The following TSPAN9 variants were observed in gnomAD, a reference collection of about 807,000 sequenced individuals.
TSPAN9 encodes the protein tetraspanin 9.
TSPAN9 carries 16 observed loss-of-function variants against 31.0 expected under a neutral mutation model. The ratio of observed to expected loss-of-function variants is 0.52; its 90% CI spans 0.35 to 0.78. The LOEUF is 0.78. Among genes scored for constraint, TSPAN9 ranks in the 30% least tolerant of loss-of-function variants. The pLI is 0.01. For missense variants in TSPAN9, 272 were observed against 312.5 expected (o/e 0.87, Z 0.98); for synonymous variants, 145 against 121.6 (o/e 1.19, Z -1.27).
At chr12:3,141,299 G>T (rs1354135909) in intron 2 of TSPAN9, among the ~76,000 whole-genome samples, 1 of 152,126 alleles carries the variant, frequency 6.6e-6, no homozygotes, top group African/African-American at 2.4e-5. Flanking sequence ...GGCAGCTGTG[G>T]CATGCTGTGA....
chr12:3,088,576 C>G (rs1021191212), intron 2 of TSPAN9, among the ~76,000 whole-genome samples: 2 of 152,226 alleles, frequency 1.3e-5, no homozygotes, highest in African/African-American at 4.8e-5. Context: ...GAAGCTGGAG[C>G]TGGTGGTCTG....
At chr12:3,231,684 G>GAT (rs773220626) in intron 3 of TSPAN9, among the ~76,000 whole-genome samples, 3 of 152,378 alleles carry the variant, frequency 2.0e-5, no homozygotes, top group East Asian at 1.9e-4. Context: ...TTGGAGCCTG[G>GAT]ATGGGGTTCG....
At chr12:3,101,351 G>A (rs2098311772) in intron 2 of TSPAN9, among the ~76,000 whole-genome samples, 1 of 152,196 alleles carries the variant, frequency 6.6e-6, no homozygotes, top group Non-Finnish European at 1.5e-5. Flanking sequence ...TGAGCTCCCT[G>A]TTGCTGCTGG....
intron 3 of TSPAN9, among the ~76,000 whole-genome samples, chr12:3,224,299 G>A (rs1382089163): frequency 1.3e-5 from 2 of 152,236 alleles, no homozygotes; most frequent in African/African-American, 2.4e-5. Flanking sequence ...GTGGATGACC[G>A]AGGGTGGTGC....
At chr12:3,109,268 C>CTCTGTGTG (rs2098316744) in intron 2 of TSPAN9, among the ~76,000 whole-genome samples, 1 of 119,300 alleles carries the variant, frequency 8.4e-6, no homozygotes, top group South Asian at 3.0e-4. Flanking sequence ...TTCATATAGT[C>CTCTGTGTG]TGTGTGTGTG....
At chr12:3,243,702 C>T (rs567726260) in intron 3 of TSPAN9, among the ~76,000 whole-genome samples, 33 of 152,236 alleles carry the variant, frequency 2.2e-4, no homozygotes, top group Non-Finnish European at 1.0e-4. Context: ...TAGGGGTTGA[C>T]GCCCGTGGTC....
At chr12:3,273,951 C>T (rs746352819) in intron 3 of TSPAN9, among the ~76,000 whole-genome samples, 44 of 152,334 alleles carry the variant, frequency 2.9e-4, no homozygotes, top group African/African-American at 1.0e-3. Flanking sequence ...CCTTCCCCAC[C>T]GCTGGAGGGA....
At chr12:3,206,232 C>G (rs2098375091) in intron 3 of TSPAN9, 1 of 440,642 alleles carries the variant, frequency 2.3e-6, no homozygotes, top group African/African-American at 2.0e-5. Context: ...CAGTTGGGTC[C>G]ATTCACTCAT....
intron 2 of TSPAN9, among the ~76,000 whole-genome samples, chr12:3,178,757 G>A (rs2098357262): frequency 6.6e-6 from 1 of 152,230 alleles, no homozygotes. Context: ...GTGTGTCTGG[G>A]TGGGGGTACA....
intron 2 of TSPAN9, among the ~76,000 whole-genome samples, chr12:3,090,421 C>A (rs1334629408): frequency 1.3e-5 from 2 of 152,136 alleles, no homozygotes; most frequent in East Asian, 1.9e-4. Context: ...GCTCTGCAGG[C>A]CCTGGACAGC....
At chr12:3,274,000 G>T (rs1261565943) in intron 3 of TSPAN9, among the ~76,000 whole-genome samples, 1 of 152,218 alleles carries the variant, frequency 6.6e-6, no homozygotes, top group Non-Finnish European at 1.5e-5. Flanking sequence ...TTCTCAAGAT[G>T]TTGGCAGCCC....
chr12:3,116,918 T>A (rs1482724002), intron 2 of TSPAN9, among the ~76,000 whole-genome samples: 1 of 152,304 alleles, frequency 6.6e-6, no homozygotes, highest in East Asian at 1.9e-4. Flanking sequence ...TTGTTTGTTG[T>A]TTCCTGGACT....
At chr12:3,081,808 T>G (rs2098297948) in intron 1 of TSPAN9, among the ~76,000 whole-genome samples, 3 of 58,410 alleles carry the variant, frequency 5.1e-5, no homozygotes, top group Non-Finnish European at 6.8e-5. Context: ...ATCTAAAAAA[T>G]TGTGTGTGTG....
At chr12:3,111,967 C>A (rs80303339) in intron 2 of TSPAN9, among the ~76,000 whole-genome samples, 2 of 152,230 alleles carry the variant, frequency 1.3e-5, no homozygotes, top group East Asian at 3.9e-4. Flanking sequence ...GGAGGCTGAG[C>A]TGTAAAGAGG....
At chr12:3,145,652 G>A (rs141084633) in intron 2 of TSPAN9, among the ~76,000 whole-genome samples, 1 of 152,332 alleles carries the variant, frequency 6.6e-6, no homozygotes, top group Non-Finnish European at 1.5e-5. Flanking sequence ...GAGCTTCCCA[G>A]CAGTCCTCTC....
intron 3 of TSPAN9, among the ~76,000 whole-genome samples, chr12:3,241,752 T>A (rs78338058): frequency 6.6e-6 from 1 of 152,092 alleles, no homozygotes; most frequent in African/African-American, 2.4e-5. Flanking sequence ...GTGTGCCCAG[T>A]GGGGCTGGGG....
chr12:3,226,708 ATG>A (rs1565622284), intron 3 of TSPAN9, among the ~76,000 whole-genome samples: 123 of 5,936 alleles, frequency 0.021, 3 homozygotes, highest in Admixed American at 0.038. Flanking sequence ...GTGTGTGTGT[ATG>A]TGTATGTATG....
At chr12:3,242,083 C>T (rs2098396875) in intron 3 of TSPAN9, among the ~76,000 whole-genome samples, 1 of 152,222 alleles carries the variant, frequency 6.6e-6, no homozygotes, top group Admixed American at 6.5e-5. Context: ...CTCTAATGTT[C>T]CTGAGGCCAG....
At chr12:3,117,532 A>G (rs7137113) in intron 2 of TSPAN9, among the ~76,000 whole-genome samples, 48,642 of 151,712 alleles carry the variant, frequency 0.32, 8,007 homozygotes, top group Middle Eastern at 0.45. Context: ...TAAAAACCTC[A>G]TCATTTTGTA....
Sources: allele counts gnomAD v4.1 joint callset (sites outside exome capture counted in the v4.1 genomes callset), GRCh38; gene constraint gnomAD v4.1.1; transcripts MANE v1.5; gene names NCBI Gene and HGNC (gene_info 2026-07-23, HGNC 2026-07-21).